The following MLXIPL variants were observed in gnomAD, a reference collection of about 807,000 sequenced individuals.
The protein encoded by MLXIPL is MLX interacting protein like, also known as carbohydrate-responsive element-binding protein.
A neutral mutation model predicts 81.5 loss-of-function variants in MLXIPL; 49 were observed. That is an observed-to-expected ratio of 0.60 (90% CI 0.48 to 0.76). The LOEUF (loss-of-function observed/expected upper bound fraction) is 0.76, where lower values mean the gene tolerates loss of function less well. Among genes scored for constraint, MLXIPL ranks in the 30% least tolerant of loss-of-function variants. MLXIPL has a pLI of 0.00. For synonymous variants in MLXIPL, 466 were observed against 485.5 expected, an observed-to-expected ratio of 0.96 and a Z score of 0.53; for missense variants, 1,053 against 1,167.0, an observed-to-expected ratio of 0.90 and a Z score of 1.42.
rs1794216830 is a variant in MLXIPL at position 73,595,652 on chromosome 7, G to C, written c.2295C>G (p.Asn765Lys). 1.9e-6 allele frequency: 3 copies of C among 1,614,202 alleles called. No individual in the cohort carries two copies. Among genetic ancestry groups the C allele is most frequent in the Non-Finnish European group, 2.5e-6 (3 of 1,180,024 alleles). Residue 765 changes from asparagine (N) to lysine (K), a missense_variant, in exon 15 of 17, where the codon AAC (asparagine) becomes AAG (lysine). Around this residue, in one of 3 missense-constraint regions of MLXIPL, gnomAD observed 823 missense variants for 933.0 expected, o/e 0.88. Coordinates refer to ENST00000313375, the MANE Select transcript of MLXIPL (RefSeq NM_032951.3). ...GGGAGGATACCACCCAGAACTTCCA[G>C]TTGTGCAGCGTACGGGTTCGGACGT... is the stretch of plus-strand genomic sequence containing the variant. ...DDYVRTRTLH[N>K]WKFWVFSILI...
In MLXIPL at chr7:73,594,269, C is replaced by T. The variant is rs372572587; in HGVS notation, c.2440+5G>A. On this transcript the variant is annotated splice_donor_5th_base_variant and intron_variant, in intron 16 of 16. Transcript: ENST00000313375. ...CTCTAGCAGGCAGGGAGATGGCTCA[C>T]GTACTTGGCCGGAGAGCGGGCAGAG... is the stretch of plus-strand genomic sequence containing the variant. 16 of 1,611,720 alleles carry T rather than the reference C, an allele frequency of 9.9e-6. No homozygotes were observed. The highest frequency in any genetic ancestry group is 4.5e-5 in the East Asian group (2 of 44,890).
In MLXIPL at chr7:73,595,780, C is replaced by A. The variant is rs782396487; in HGVS notation, c.2187-20G>T. The A allele has an allele frequency of 1.6e-5, 26 of 1,580,572 alleles. No homozygotes were observed. Among genetic ancestry groups the A allele is most frequent in the Non-Finnish European group, 2.1e-5 (24 of 1,163,242 alleles). On this transcript the variant is annotated intron_variant, in intron 14 of 16. Transcript: ENST00000313375. ...CACAGGCTGGGGGCAGGGCAGGGGT[C>A]AGGGGCTGGGGGTAAGGCGGCATGG... is the stretch of plus-strand genomic sequence containing the variant.
intron 15 of MLXIPL, 150 bp from the exon 16 acceptor site, chr7:73,594,553 CTT>C (rs782303521): frequency 2.2e-3 from 1,598 of 735,268 alleles, no homozygotes; most frequent in Non-Finnish European, 2.5e-3. Context: ...CCTACTTCTT[CTT>C]TTTTTTTTTT....
At chr7:73,619,070 T>C (rs1796163984) in intron 1 of MLXIPL, among the ~76,000 whole-genome samples, 1 of 152,032 alleles carries the variant, frequency 6.6e-6, no homozygotes, top group South Asian at 2.1e-4. Context: ...ACACCTGTAA[T>C]CCCAGCACTT....
At chr7:73,637,789 G>A in the MLXIPL span, among the ~76,000 whole-genome samples, 1 of 152,174 alleles carries the variant, frequency 6.6e-6, no homozygotes, top group African/African-American at 2.4e-5. Context: ...GGACACAGGA[G>A]AGGAAGAGAG....
Position 73,595,902 on chromosome 7 carries a change from C to A in MLXIPL, c.2126G>T (p.Gly709Val). 6.2e-7 allele frequency: 1 copy of A among 1,613,128 alleles called. No individual in the cohort carries two copies. The highest frequency in any genetic ancestry group is 8.5e-7 in the Non-Finnish European group (1 of 1,179,866). Residue 709 changes from glycine to valine, a missense_variant, in exon 14 of 17, where the codon GGC (glycine) becomes GTC (valine). Gly to Val is a moderately radical substitution (Grantham distance 109). This residue lies in a region of MLXIPL where 823 missense variants were observed against 933.0 expected (regional missense o/e 0.88). Coordinates refer to ENST00000313375, the MANE Select transcript of MLXIPL (RefSeq NM_032951.3). ...CAGCTGCTGGGCCTCCTCCTGCAAG[C>A]CCGCACGCTCCTGCTGTAGCATAAG... ...YILMLQQERA[G>V]LQEEAQQLRD... is the part of the protein sequence containing the mutation.
At chr7:73,646,043 C>A in the MLXIPL span, among the ~76,000 whole-genome samples, 3 of 152,208 alleles carry the variant, frequency 2.0e-5, no homozygotes, top group African/African-American at 7.2e-5. Flanking sequence ...TCTCTCTTCC[C>A]TCCTCTGCCC....
At chr7:73,628,757 C>A (rs986394626), upstream of MLXIPL, among the ~76,000 whole-genome samples, 2 of 152,236 alleles carry the variant, frequency 1.3e-5, no homozygotes, top group Non-Finnish European at 2.9e-5. Flanking sequence ...GCTTCTCTAG[C>A]CTCTGTTACT....
Position 73,596,797 on chromosome 7 carries a change from G to A in MLXIPL, c.1672-8C>T. On this transcript the variant is annotated splice_polypyrimidine_tract_variant and splice_region_variant and intron_variant, in intron 10 of 16. Transcript: ENST00000313375. The surrounding 1 kb of genome is among the most constrained non-coding windows in gnomAD (Gnocchi z 4.7). ...TTCAGGGACTGTCTCCTGCTGGGGTGGAGAAGGGCGGAGAGTCGGGTTGAA... is the reference window on the plus strand; with the variant it reads ...TTCAGGGACTGTCTCCTGCTGGGGTAGAGAAGGGCGGAGAGTCGGGTTGAA... 1 of 1,606,820 alleles carries A rather than the reference G, an allele frequency of 6.2e-7. No homozygotes were observed. Among genetic ancestry groups the A allele is most frequent in the Non-Finnish European group, 8.5e-7 (1 of 1,177,496 alleles).
intron 7 of MLXIPL, among the ~76,000 whole-genome samples, chr7:73,603,768 T>G (rs1227892638): frequency 2.0e-5 from 3 of 152,088 alleles, no homozygotes; most frequent in African/African-American, 7.2e-5. Context: ...TACAGCGAAG[T>G]GAGGAAGGCC....
intron 1 of MLXIPL, among the ~76,000 whole-genome samples, chr7:73,619,290 G>A (rs1368251211): frequency 1.3e-5 from 2 of 151,842 alleles, no homozygotes; most frequent in Non-Finnish European, 2.9e-5. Context: ...GTGAAACCCC[G>A]TCTCTACTAA....
rs782483858 is a variant in MLXIPL at position 73,624,318 on chromosome 7, T to A, written c.175A>T (p.Ser59Cys). The A allele has an allele frequency of 1.3e-6, 2 of 1,588,070 alleles. No homozygotes were observed. The highest frequency in any genetic ancestry group is 8.6e-7 in the Non-Finnish European group (1 of 1,169,458). ...SGHFMVSSPH[S>C]DSLPRRRDQE... ...TCGCGCCGCCGGGGCAGCGAGTCGC[T>A]GTGCGGCGACGACACCATGAAGTGA... The change falls in exon 1 of 17, where the codon AGC becomes TGC. Residue 59 changes from serine (S) to cysteine (C), a missense_variant. Ser to Cys is a moderately radical substitution (Grantham distance 112). Transcript: ENST00000313375.
chr7:73,634,028 C>T, the MLXIPL span, among the ~76,000 whole-genome samples: 3 of 152,124 alleles, frequency 2.0e-5, no homozygotes, highest in South Asian at 2.1e-4. Context: ...GATGGAGAAG[C>T]GGACAAGAGT....
At chr7:73,599,894 G>A (rs1794649901) in intron 7 of MLXIPL, among the ~76,000 whole-genome samples, 199 bp from the exon 8 acceptor site, 1 of 152,040 alleles carries the variant, frequency 6.6e-6, no homozygotes, top group African/African-American at 2.4e-5. Context: ...CAACCGTCTT[G>A]GGTGGAATGA....
At chr7:73,597,090 T>C in intron 9 of MLXIPL, 92 bp downstream of exon 9, 1 of 1,471,588 alleles carries the variant, frequency 6.8e-7, no homozygotes. Flanking sequence ...GACCTGCCCC[T>C]TCACCTTCAT....
chr7:73,641,778 G>A, the MLXIPL span, among the ~76,000 whole-genome samples: 2 of 152,154 alleles, frequency 1.3e-5, no homozygotes, highest in Non-Finnish European at 2.9e-5. Context: ...TGGGATTACA[G>A]GCATATGCCA....
chr7:73,630,285 C>CTTTTTTTTTTTTTTT, the MLXIPL span, among the ~76,000 whole-genome samples: 1 of 97,874 alleles, frequency 1.0e-5, no homozygotes, highest in Non-Finnish European at 1.8e-5. Context: ...GCCAGCTTGT[C>CTTTTTTTTTTTTTTT]TTTTTTTTTT....
chr7:73,636,005 C>A, the MLXIPL span, among the ~76,000 whole-genome samples: 1 of 152,142 alleles, frequency 6.6e-6, no homozygotes, highest in Non-Finnish European at 1.5e-5. Flanking sequence ...CTAGAGGGGG[C>A]CAGTCCCAGT....
At chr7:73,635,077 C>T in the MLXIPL span, among the ~76,000 whole-genome samples, 1 of 151,720 alleles carries the variant, frequency 6.6e-6, no homozygotes, top group African/African-American at 2.4e-5. Context: ...CTGCCCACCT[C>T]GGCTTCCCAA....
Sources: gnomAD v4.1 joint callset for allele counts (sites outside exome capture counted in the v4.1 genomes callset) on GRCh38, gnomAD v4.1.1 for gene constraint, gnomAD v4.1.1 regional missense constraint, Gnocchi (gnomAD v3.1) non-coding constraint, MANE v1.5 for transcripts, NCBI Gene and HGNC (gene_info 2026-07-23, HGNC 2026-07-21) for gene names.